ACMSD: variants seen among roughly 807,000 people sequenced by gnomAD.
ACMSD encodes the protein aminocarboxymuconate semialdehyde decarboxylase, also known as 2-amino-3-carboxymuconate-6-semialdehyde decarboxylase.
Under a neutral mutation model 45.9 loss-of-function variants are expected in ACMSD, and 37 were observed. That is an observed-to-expected ratio of 0.81 (90% CI 0.62 to 1.06). ACMSD has a LOEUF of 1.06. ACMSD is among the 50% of genes least tolerant of loss of function. The pLI, the probability that ACMSD is intolerant of heterozygous loss-of-function variation, is 0.00. For missense variants in ACMSD, 434 were observed against 420.9 expected (o/e 1.03, Z -0.27); for synonymous variants, 138 against 148.8 (o/e 0.93, Z 0.53).
In ACMSD at chr2:134,844,869, A is replaced by C. The variant is rs372911349; in HGVS notation, c.58-364A>C. ...GATTGCAACCCACAGTTTGAAAAGC[A>C]GTGTATTTCCTAAAGAGTGGTCCTT... On this transcript the variant is annotated intron_variant, in intron 1 of 9. Transcript: ENST00000356140. Among the ~76,000 whole-genome samples the C allele has an allele frequency of 3.3e-4, 51 of 152,336 alleles. 1 individual carries two copies. In the East Asian group the frequency reaches 5.8e-3, roughly 17 times the overall value.
intron 8 of ACMSD, among the ~76,000 whole-genome samples, chr2:134,886,246 A>ATTTTTTTTTTT (rs756206850): frequency 6.1e-5 from 7 of 115,472 alleles, no homozygotes; most frequent in African/African-American, 1.1e-4. Context: ...TATTATTATT[A>ATTTTTTTTTTT]TTTTTTTTTT....
chr2:134,852,863 G>C (rs933535705), intron 2 of ACMSD, among the ~76,000 whole-genome samples: 1 of 151,962 alleles, frequency 6.6e-6, no homozygotes, highest in Admixed American at 6.6e-5. Flanking sequence ...GTGAAAGACT[G>C]AGTTTAAAAA....
chr2:134,886,246 A>ATTATTATTATTATTATTATTATTTT, intron 8 of ACMSD, among the ~76,000 whole-genome samples: 1 of 115,474 alleles, frequency 8.7e-6, no homozygotes, highest in African/African-American at 3.6e-5. Flanking sequence ...TATTATTATT[A>ATTATTATTATTATTATTATTATTTT]TTTTTTTTTT....
chr2:134,867,314 T>C (rs1047470309), intron 5 of ACMSD: 2 of 259,386 alleles, frequency 7.7e-6, no homozygotes, highest in Non-Finnish European at 1.4e-5. Flanking sequence ...ACGCTTGTTT[T>C]ACCAGATGAT....
chr2:134,882,071 T>C (rs764849851), intron 8 of ACMSD, among the ~76,000 whole-genome samples: 1 of 151,996 alleles, frequency 6.6e-6, no homozygotes. Context: ...TGAGCCAAAA[T>C]TGCACCACTG....
At chr2:134,895,328 T>TTACATATATAATATATATATGTTATATA (rs1553516998) in intron 8 of ACMSD, among the ~76,000 whole-genome samples, 15 of 141,584 alleles carry the variant, frequency 1.1e-4, no homozygotes, top group South Asian at 2.2e-4. Flanking sequence ...TATATATATG[T>TTACATATATAATATATATATGTTATATA]TATATATATA....
chr2:134,858,196 A>C (rs1687669710), intron 2 of ACMSD, among the ~76,000 whole-genome samples: 1 of 151,566 alleles, frequency 6.6e-6, no homozygotes, highest in Admixed American at 6.5e-5. Context: ...AATACTATTC[A>C]GCCTTTATAA....
At chr2:134,894,637 AT>A (rs2104958327) in intron 8 of ACMSD, among the ~76,000 whole-genome samples, 1 of 152,322 alleles carries the variant, frequency 6.6e-6, no homozygotes, top group African/African-American at 2.4e-5. Context: ...AATAAAAAGC[AT>A]CATGAAAAAC....
chr2:134,850,681 A>T (rs1189248847), intron 2 of ACMSD, among the ~76,000 whole-genome samples: 1 of 152,136 alleles, frequency 6.6e-6, no homozygotes, highest in Non-Finnish European at 1.5e-5. Flanking sequence ...TTATATAAGT[A>T]ATATTTGACT....
intron 1 of ACMSD, among the ~76,000 whole-genome samples, chr2:134,840,354 T>C (rs1052873274): frequency 6.6e-6 from 1 of 151,630 alleles, no homozygotes; most frequent in African/African-American, 2.4e-5. Context: ...CAAGCAGGGC[T>C]CCAAGCTCCA....
chr2:134,863,444 T>C lies in ACMSD; in HGVS notation c.299T>C (p.Leu100Pro), dbSNP rs1330559552. The change falls in exon 5 of 10, where the codon CTT becomes CCT. Residue 100 changes from leucine (L) to proline (P), a missense_variant. Leu to Pro is a moderately conservative substitution (Grantham distance 98). Coordinates refer to ENST00000356140, the MANE Select transcript of ACMSD (RefSeq NM_138326.3). ...CTGTGCCAGCTTTTAAACAACGACC[T>C]TGCCAGCACCGTTGTGAGCTACCCC... ...LNLCQLLNND[L>P]ASTVVSYPRR... 6.2e-7 allele frequency: 1 copy of C among 1,614,242 alleles called. No homozygotes were observed. The highest frequency in any genetic ancestry group is 8.5e-7 in the Non-Finnish European group (1 of 1,180,048).
chr2:134,894,494 C>T (rs1190170629), intron 8 of ACMSD, among the ~76,000 whole-genome samples: 2 of 152,044 alleles, frequency 1.3e-5, no homozygotes, highest in African/African-American at 4.8e-5. Flanking sequence ...CAAAGAAAAG[C>T]TGATGACCAG....
intron 7 of ACMSD, among the ~76,000 whole-genome samples, chr2:134,871,736 C>T (rs74265412): frequency 0.23 from 34,213 of 150,172 alleles, 4,125 homozygotes; most frequent in East Asian, 0.4. Context: ...ATGTTACTCG[C>T]TAACATGCCT....
At chr2:134,896,657 T>C (rs566295175) in intron 8 of ACMSD, among the ~76,000 whole-genome samples, 32 of 152,286 alleles carry the variant, frequency 2.1e-4, no homozygotes, top group African/African-American at 7.5e-4. Flanking sequence ...ATAACCAATG[T>C]TGGCGAGGAT....
chr2:134,893,209 ATTTTT>A (rs10572074), intron 8 of ACMSD, among the ~76,000 whole-genome samples: 2 of 132,716 alleles, frequency 1.5e-5, no homozygotes, highest in African/African-American at 2.8e-5. Flanking sequence ...ATCACACTGC[ATTTTT>A]TTTTTTTTTT....
intron 8 of ACMSD, among the ~76,000 whole-genome samples, chr2:134,874,796 A>G (rs974915053): frequency 1.8e-4 from 27 of 152,208 alleles, no homozygotes; most frequent in Admixed American, 1.2e-3. Flanking sequence ...TAATAGGGTA[A>G]ATATTAGTAC....
Position 134,838,648 on chromosome 2 carries a change from C to G in ACMSD, c.-35C>G, listed in dbSNP as rs1256490609. 6.3e-7 allele frequency: 1 copy of G among 1,583,874 alleles called. No individual in the cohort carries two copies. The highest frequency in any genetic ancestry group is 8.6e-7 in the Non-Finnish European group (1 of 1,158,304). Reference sequence around the variant, plus strand: ...TCACAAAGGTCTCTTGATATCAAAACTTCTTTCCTTGCATGCTTCTCTGAT... The same window carrying G: ...TCACAAAGGTCTCTTGATATCAAAAGTTCTTTCCTTGCATGCTTCTCTGAT... On this transcript the variant is annotated 5_prime_UTR_variant, in exon 1 of 10. Transcript: ENST00000356140.
At chr2:134,872,888 T>A (rs1488818596) in intron 8 of ACMSD, 1 of 452,838 alleles carries the variant, frequency 2.2e-6, no homozygotes, top group African/African-American at 1.9e-5. Context: ...ATCATCTACA[T>A]GGCTGGGTAT....
At chr2:134,892,985 C>G (rs2104953384) in intron 8 of ACMSD, among the ~76,000 whole-genome samples, 1 of 152,252 alleles carries the variant, frequency 6.6e-6, no homozygotes, top group Middle Eastern at 3.4e-3. Flanking sequence ...AATAGAGTGA[C>G]AATGACAGAG....
Sources: allele counts gnomAD v4.1 joint callset (sites outside exome capture counted in the v4.1 genomes callset), GRCh38; gene constraint gnomAD v4.1.1; transcripts MANE v1.5; gene names NCBI Gene and HGNC (gene_info 2026-07-23, HGNC 2026-07-21).